Variants in SCN10A observed in about 807,000 individuals in gnomAD.
The protein encoded by SCN10A is sodium voltage-gated channel alpha subunit 10.
SCN10A carries 162 observed loss-of-function variants against 170.7 expected under a neutral mutation model. That is an observed-to-expected ratio of 0.95 (90% CI 0.84 to 1.08). The LOEUF is 1.08. Ranked by LOEUF, SCN10A falls within the 50% of genes least tolerant of loss-of-function variation. SCN10A has a pLI of 0.00. For synonymous variants in SCN10A, 985 were observed against 904.6 expected, an observed-to-expected ratio of 1.09 and a Z score of -1.59; for missense variants, 2,527 against 2,436.9, an observed-to-expected ratio of 1.04 and a Z score of -0.78.
At chr3:38,700,496 C>T (rs2063144892) in intron 27 of SCN10A, among the ~76,000 whole-genome samples, 1 of 152,142 alleles carries the variant, frequency 6.6e-6, no homozygotes, top group Non-Finnish European at 1.5e-5. Context: ...AGGTTATGGA[C>T]ATGTTTCTGG....
chr3:38,697,853 G>A lies in SCN10A; in HGVS notation c.5367C>T (p.Asp1789=), dbSNP rs2063109630. The change falls in exon 28 of 28, where the codon GAC becomes GAT. Residue 1789 remains aspartate (D), a synonymous_variant. Coordinates refer to ENST00000449082, the MANE Select transcript of SCN10A (RefSeq NM_006514.4). ...KPNRNILIQM[D]LPLVPGDKIH... ...TCTTATCTCCAGGGACCAAAGGCAGGTCCATCTGGATCAGTATATTTCGAT... is the reference window on the plus strand; with the variant it reads ...TCTTATCTCCAGGGACCAAAGGCAGATCCATCTGGATCAGTATATTTCGAT... 6.2e-7 allele frequency: 1 copy of A among 1,614,156 alleles called. No individual in the cohort carries two copies. The highest frequency in any genetic ancestry group is 8.5e-7 in the Non-Finnish European group (1 of 1,180,032).
In SCN10A at chr3:38,697,752, G is replaced by A. The variant is rs1201354997; in HGVS notation, c.5468C>T (p.Ala1823Val). Residue 1823 changes from alanine to valine, a missense_variant, in exon 28 of 28, where the codon GCA (alanine) becomes GTA (valine). Transcript: ENST00000449082. The part of the protein sequence containing the change: ...GESGELDSLK[A>V]NMEEKFMATN... ...TGCCATAAACTTCTCCTCCATATTT[G>A]CCTTCAGAGAATCCAACTCCCCGGA... 1.9e-6 allele frequency: 3 copies of A among 1,613,934 alleles called. No homozygotes were observed. The highest frequency in any genetic ancestry group is 3.3e-5 in the Admixed American group (2 of 59,990).
intron 27 of SCN10A, among the ~76,000 whole-genome samples, chr3:38,701,422 C>G (rs1017373878): frequency 5.9e-5 from 9 of 152,198 alleles, no homozygotes; most frequent in African/African-American, 2.2e-4. Flanking sequence ...GGCAATCCAT[C>G]TCCTTTTCCA....
At position 38,698,105 on chromosome 3, in the gene SCN10A, G is replaced by C; in HGVS notation, c.5115C>G (p.Tyr1705Ter). Residue 1705 changes from tyrosine to a stop codon, truncating the protein, a stop_gained, in exon 28 of 28, where the codon TAC (tyrosine) becomes TAG (stop). Coordinates refer to ENST00000449082, the MANE Select transcript of SCN10A (RefSeq NM_006514.4). LOFTEE classifies it high-confidence loss of function. Reference sequence around the variant, plus strand: ...CCATGATGAGGAAGGAGATGATGATGTAGGTGGTGAAGAAGATGATGCCTA... The same window carrying C: ...CCATGATGAGGAAGGAGATGATGATCTAGGTGGTGAAGAAGATGATGCCTA... ...PAVGIIFFTT[Y>*]IIISFLIMVN... The C allele has an allele frequency of 3.1e-6, 5 of 1,614,110 alleles. No homozygotes were observed. The highest frequency in any genetic ancestry group is 4.2e-6 in the Non-Finnish European group (5 of 1,179,966).
At chr3:38,761,811 T>G (rs1464300904) in intron 6 of SCN10A, among the ~76,000 whole-genome samples, 1 of 134,864 alleles carries the variant, frequency 7.4e-6, no homozygotes, top group Non-Finnish European at 1.5e-5. Flanking sequence ...CCTCACTGTG[T>G]GTGAGTGTGT....
At chr3:38,719,403 T>G (rs2063365933) in intron 20 of SCN10A, among the ~76,000 whole-genome samples, 1 of 68,046 alleles carries the variant, frequency 1.5e-5, no homozygotes, top group Non-Finnish European at 2.7e-5. Flanking sequence ...TTTTTTTTTT[T>G]TTTTTTTTGA....
At chr3:38,782,487 T>G (rs2064150229) in intron 4 of SCN10A, among the ~76,000 whole-genome samples, 2 of 152,120 alleles carry the variant, frequency 1.3e-5, no homozygotes. Flanking sequence ...TCTTGTATAT[T>G]TATACTGTTC....
At chr3:38,813,433 TCAGA>T (rs2064453031) in intron 1 of SCN10A, among the ~76,000 whole-genome samples, 1 of 152,194 alleles carries the variant, frequency 6.6e-6, no homozygotes, top group Non-Finnish European at 1.5e-5. Flanking sequence ...AATGAGTGTA[TCAGA>T]CTAAATGATA....
intron 4 of SCN10A, among the ~76,000 whole-genome samples, chr3:38,775,616 T>C (rs899971293): frequency 6.6e-6 from 1 of 152,166 alleles, no homozygotes; most frequent in Admixed American, 6.5e-5. Flanking sequence ...ATTAGCTTCA[T>C]GATAAATAGA....
rs1199729142 is a variant in SCN10A, at chr3:38,728,704, G to A, written c.2478C>T (p.Asp826=). The stretch of plus-strand genomic sequence containing the variant: ...AGTCGTGCATGTGCCAGCGGGGCCA[G>A]TCTTCATGGGGCGCGGAGATATTTT... ...NRKNISAPHE[D]WPRWHMHDFF... is the part of the protein sequence containing the mutation. Residue 826 remains aspartate, a synonymous_variant, in exon 16 of 28, where the codon GAC becomes GAT. Coordinates refer to ENST00000449082, the MANE Select transcript of SCN10A (RefSeq NM_006514.4). The A allele has an allele frequency of 6.2e-7, 1 of 1,614,242 alleles. No homozygotes were observed. The highest frequency in any genetic ancestry group is 8.5e-7 in the Non-Finnish European group (1 of 1,180,044).
intron 3 of SCN10A, among the ~76,000 whole-genome samples, chr3:38,789,968 A>G (rs2064260369): frequency 6.6e-6 from 1 of 152,184 alleles, no homozygotes; most frequent in East Asian, 1.9e-4. Context: ...TCATTTTTCA[A>G]TTTGAGCAGA....
At chr3:38,757,846 G>T (rs1005347608) in intron 8 of SCN10A, among the ~76,000 whole-genome samples, 38 of 152,124 alleles carry the variant, frequency 2.5e-4, no homozygotes, top group African/African-American at 8.7e-4. Context: ...TGACTGCCTG[G>T]TGAGTATTGA....
chr3:38,786,451 G>A (rs988794183), intron 4 of SCN10A, among the ~76,000 whole-genome samples: 2 of 152,024 alleles, frequency 1.3e-5, no homozygotes, highest in Admixed American at 6.6e-5. Flanking sequence ...ATACAGGGAG[G>A]GGGACATCAC....
chr3:38,756,740 A>C lies in SCN10A; in HGVS notation c.1224T>G (p.Thr408=), dbSNP rs1291329219. Residue 408 remains threonine (T), a synonymous_variant, in exon 10 of 28, where the codon ACT becomes ACG. Transcript: ENST00000449082. ...MAYEEQNQAT[T]DEIEAKEKKF... ...TCTTCTCCTTTGCTTCAATTTCATC[A>C]GTGGTTGCCTGGTTCTGCTCCTCAT... 6.2e-7 allele frequency: 1 copy of C among 1,614,114 alleles called. No homozygotes were observed. The highest frequency in any genetic ancestry group is 1.7e-5 in the Admixed American group (1 of 60,022).
chr3:38,706,407 C>T (rs750278291), intron 26 of SCN10A, among the ~76,000 whole-genome samples: 1 of 152,208 alleles, frequency 6.6e-6, no homozygotes, highest in East Asian at 1.9e-4. Context: ...TGATTTTCTT[C>T]ACTAATGCTG....
intron 21 of SCN10A, among the ~76,000 whole-genome samples, chr3:38,714,544 T>C (rs2063311208): frequency 6.6e-6 from 1 of 152,090 alleles, no homozygotes; most frequent in Non-Finnish European, 1.5e-5. Context: ...AGAATAGTGG[T>C]TTGGGTGGGG....
intron 14 of SCN10A, among the ~76,000 whole-genome samples, chr3:38,741,289 AACAC>A (rs60874265): frequency 0.063 from 9,225 of 146,700 alleles, 651 homozygotes; most frequent in African/African-American, 0.17. Context: ...CGTGTGTTTG[AACAC>A]ACACACACAC....
At chr3:38,720,553 C>G (rs1389575801) in intron 20 of SCN10A, among the ~76,000 whole-genome samples, 1 of 151,994 alleles carries the variant, frequency 6.6e-6, no homozygotes, top group Non-Finnish European at 1.5e-5. Flanking sequence ...TTAAAAGGTA[C>G]TCAAAGTGAA....
At chr3:38,705,850 T>G (rs1214692401) in intron 26 of SCN10A, among the ~76,000 whole-genome samples, 1 of 152,200 alleles carries the variant, frequency 6.6e-6, no homozygotes, top group East Asian at 1.9e-4. Context: ...AGCTGCTTGC[T>G]TCTCAGTAAG....
Sources: allele counts gnomAD v4.1 joint callset (sites outside exome capture counted in the v4.1 genomes callset), GRCh38; gene constraint gnomAD v4.1.1; transcripts MANE v1.5; gene names NCBI Gene and HGNC (gene_info 2026-07-23, HGNC 2026-07-21).